Variants in ATP8A2 observed in about 807,000 individuals in gnomAD.
ATP8A2 encodes phospholipid-transporting ATPase IB.
A neutral mutation model predicts 165.6 loss-of-function variants in ATP8A2; 100 were observed. The observed-to-expected ratio is 0.60, with a 90% CI of 0.51 to 0.71. The LOEUF is 0.71. Among genes scored for constraint, ATP8A2 ranks in the 30% least tolerant of loss-of-function variants. The pLI is 0.00. For synonymous variants in ATP8A2, 543 were observed against 548.8 expected, an observed-to-expected ratio of 0.99 and a Z score of 0.15; for missense variants, 1,227 against 1,479.5, an observed-to-expected ratio of 0.83 and a Z score of 2.80.
chr13:25,848,570 A>G (rs1435026418), intron 30 of ATP8A2, among the ~76,000 whole-genome samples: 3 of 152,238 alleles, frequency 2.0e-5, no homozygotes, highest in Non-Finnish European at 2.9e-5. Flanking sequence ...AACAAAAGTG[A>G]AAAAAGAGAA....
intron 33 of ATP8A2, among the ~76,000 whole-genome samples, chr13:25,897,910 A>G (rs980959240): frequency 6.6e-6 from 1 of 151,980 alleles, no homozygotes; most frequent in African/African-American, 2.4e-5. Context: ...ACTTCTCTGC[A>G]TTGATTATTT....
chr13:25,629,208 C>G (rs1185014427), intron 24 of ATP8A2, among the ~76,000 whole-genome samples: 1 of 152,170 alleles, frequency 6.6e-6, no homozygotes, highest in Non-Finnish European at 1.5e-5. Flanking sequence ...CTCAAGTAAA[C>G]ATATTGGCTG....
chr13:25,390,145 C>T lies in ATP8A2; in HGVS notation c.76+17857C>T, dbSNP rs939895535. Among the ~76,000 whole-genome samples, 3 of 152,160 alleles carry T rather than the reference C, an allele frequency of 2.0e-5. No homozygotes were observed. In the East Asian group the frequency reaches 5.8e-4, roughly 29 times the overall value. On this transcript the variant is annotated intron_variant, in intron 1 of 36. Coordinates refer to ENST00000381655, the MANE Select transcript of ATP8A2 (RefSeq NM_016529.6). ...AGTAGCTGGGAATACAGGCATGTGC[C>T]TTAACACCCAGCTAATTTTTGTATT...
chr13:25,726,390 T>A (rs1278496509), intron 25 of ATP8A2, among the ~76,000 whole-genome samples: 1 of 152,186 alleles, frequency 6.6e-6, no homozygotes, highest in Non-Finnish European at 1.5e-5. Flanking sequence ...ACCACAAAGG[T>A]AGTGGCTTAA....
At chr13:25,980,755 C>T (rs772519298) in intron 35 of ATP8A2, among the ~76,000 whole-genome samples, 1 of 152,098 alleles carries the variant, frequency 6.6e-6, no homozygotes, top group African/African-American at 2.4e-5. Context: ...CCTGTATTCC[C>T]AGCTACTCAA....
At chr13:25,654,336 G>T (rs1323622722) in intron 24 of ATP8A2, among the ~76,000 whole-genome samples, 1 of 152,122 alleles carries the variant, frequency 6.6e-6, no homozygotes, top group Non-Finnish European at 1.5e-5. Flanking sequence ...CTCCCGAGTG[G>T]CTGGGACCAC....
intron 9 of ATP8A2, among the ~76,000 whole-genome samples, 198 bp from the exon 10 acceptor site, chr13:25,543,093 A>G (rs1275532704): frequency 2.0e-5 from 3 of 152,178 alleles, no homozygotes; most frequent in Non-Finnish European, 2.9e-5. Flanking sequence ...GTAGTGATGA[A>G]TGTAAAATAA....
At chr13:25,858,446 G>A (rs1048560610) in intron 30 of ATP8A2, among the ~76,000 whole-genome samples, 1 of 152,030 alleles carries the variant, frequency 6.6e-6, no homozygotes, top group Admixed American at 6.6e-5. Flanking sequence ...CCAGCAGCGG[G>A]GCCTCCGTTT....
At position 25,447,703 on chromosome 13, in the gene ATP8A2, C is replaced by G. The variant is rs74606910; in HGVS notation, c.77-21274C>G. 2.7e-3 allele frequency among the ~76,000 whole-genome samples: 415 copies of G among 152,292 alleles called. 22 individuals carry two copies. In the East Asian group the frequency reaches 0.075, roughly 27 times the overall value. On this transcript the variant is annotated intron_variant, in intron 1 of 36. Transcript: ENST00000381655. The stretch of plus-strand genomic sequence containing the variant: ...GCTCAGTGGAGGGTCAGGGTGACAG[C>G]CTTGTACTCTGCCATTTCAGTACAT...
rs79457988 is a variant in ATP8A2, at chr13:25,667,386, C to T, written c.2212-31787C>T. ...TCATGAATGTCTTGGTACTGTTCTC[C>T]CAGTAGTGAGTGAGTTCTCATTTTT... On this transcript the variant is annotated intron_variant, in intron 24 of 36. Transcript: ENST00000381655. Among the ~76,000 whole-genome samples, 456 of 152,144 alleles carry T rather than the reference C, an allele frequency of 3.0e-3. 14 individuals carry two copies. In the East Asian group the frequency reaches 0.078, roughly 26 times the overall value.
At chr13:25,788,689 CT>C (rs1341504587) in intron 27 of ATP8A2, among the ~76,000 whole-genome samples, 12 of 152,180 alleles carry the variant, frequency 7.9e-5, no homozygotes, top group Non-Finnish European at 7.3e-5. Context: ...TATATTGCAA[CT>C]ATATATCATT....
At chr13:26,008,207 GC>G (rs1956782313) in intron 35 of ATP8A2, among the ~76,000 whole-genome samples, 1 of 152,120 alleles carries the variant, frequency 6.6e-6, no homozygotes, top group Admixed American at 6.5e-5. Context: ...AGGAAAATTA[GC>G]TTCCCACTAG....
chr13:25,889,698 C>A (rs749508135), intron 33 of ATP8A2, among the ~76,000 whole-genome samples: 6 of 152,016 alleles, frequency 3.9e-5, no homozygotes, highest in Non-Finnish European at 7.3e-5. Flanking sequence ...TCTAGAAATT[C>A]TTGCTGTTTT....
intron 1 of ATP8A2, among the ~76,000 whole-genome samples, chr13:25,375,551 G>A (rs1045708729): frequency 1.3e-5 from 2 of 151,798 alleles, no homozygotes; most frequent in African/African-American, 4.8e-5. Flanking sequence ...GAAGTGCACA[G>A]ACCAAGTGCA....
At chr13:25,377,647 CAAGTGGTAATGGTGCG>C (rs2032681975) in intron 1 of ATP8A2, among the ~76,000 whole-genome samples, 1 of 151,684 alleles carries the variant, frequency 6.6e-6, no homozygotes, top group African/African-American at 2.4e-5. Flanking sequence ...AAAAATTAGC[CAAGTGGTAATGGTGCG>C]TGCCTGTAAT....
intron 24 of ATP8A2, among the ~76,000 whole-genome samples, chr13:25,590,983 G>A (rs2040057602): frequency 6.6e-6 from 1 of 152,062 alleles, no homozygotes; most frequent in South Asian, 2.1e-4. Context: ...ACTGCCTGCA[G>A]GCAGCCCAGA....
chr13:25,994,130 CTG>C (rs1462383441), intron 35 of ATP8A2, among the ~76,000 whole-genome samples: 3 of 152,018 alleles, frequency 2.0e-5, no homozygotes, highest in Non-Finnish European at 2.9e-5. Flanking sequence ...ATTTTAGCAT[CTG>C]TGTGTTCATT....
At chr13:25,560,275 A>T (rs914444521) in intron 15 of ATP8A2, among the ~76,000 whole-genome samples, 3 of 152,202 alleles carry the variant, frequency 2.0e-5, no homozygotes, top group Admixed American at 6.5e-5. Flanking sequence ...TTTAACAAAA[A>T]AATTGACTGC....
chr13:25,412,652 G>A (rs1399158773), intron 1 of ATP8A2, among the ~76,000 whole-genome samples: 3 of 152,258 alleles, frequency 2.0e-5, no homozygotes, highest in South Asian at 2.1e-4. Context: ...CTTAGGCCTC[G>A]TGCATCTAGT....
Sources: gnomAD v4.1 joint callset for allele counts (sites outside exome capture counted in the v4.1 genomes callset) on GRCh38, gnomAD v4.1.1 for gene constraint, MANE v1.5 for transcripts, NCBI Gene and HGNC (gene_info 2026-07-23, HGNC 2026-07-21) for gene names.